ABCA5: variants seen among roughly 807,000 people sequenced by gnomAD.
The protein encoded by ABCA5 is cholesterol transporter ABCA5.
In ABCA5, 163 loss-of-function variants were observed where a neutral mutation model predicts 206.0. That is an observed-to-expected ratio of 0.79 (90% CI 0.70 to 0.90). ABCA5 has a LOEUF of 0.90. ABCA5 is among the 40% of genes least tolerant of loss of function. ABCA5 has a pLI of 0.00. For missense variants in ABCA5, 1,859 were observed against 1,912.9 expected, an observed-to-expected ratio of 0.97 and a Z score of 0.53; for synonymous variants, 609 against 613.8, an observed-to-expected ratio of 0.99 and a Z score of 0.11.
chr17:69,289,918 T>G lies in ABCA5; in HGVS notation c.1726A>C (p.Asn576His), dbSNP rs1222908154. 1.8e-5 allele frequency: 29 copies of G among 1,612,014 alleles called. 2 individuals carry two copies. In the Admixed American group the frequency reaches 4.9e-4, roughly 27 times the overall value. The stretch of plus-strand genomic sequence containing the variant: ...TTGATTGAAGCCAAAATTGATAAAT[T>G]TTCTTCTACTGTCAAAACATCAAAG... ...IHFDVLTVEENLSILASIKGI... is the reference protein window; with the variant it reads ...IHFDVLTVEEHLSILASIKGI... The change falls in exon 13 of 39, where the codon AAT becomes CAT. Residue 576 changes from asparagine (N) to histidine (H), a missense_variant. Asn to His is a moderately conservative substitution (Grantham distance 68). Coordinates refer to ENST00000392676, the MANE Select transcript of ABCA5 (RefSeq NM_172232.4).
chr17:69,283,868 T>A (rs1598176367), intron 18 of ABCA5, 85 bp downstream of exon 18: 2 of 1,339,034 alleles, frequency 1.5e-6, no homozygotes, highest in South Asian at 1.5e-5. Context: ...CTAAAAAAAA[T>A]ATAAAATTAC....
chr17:69,245,567 G>A lies in ABCA5; in HGVS notation c.*1970C>T, dbSNP rs913151898. ...AGTCAGATTTTGTTACTGTGAAAAA[G>A]GGAACATAATTTAATTTAACAACCA... On this transcript the variant is annotated 3_prime_UTR_variant, in exon 39 of 39. Coordinates refer to ENST00000392676, the MANE Select transcript of ABCA5 (RefSeq NM_172232.4). 3 of 151,548 alleles carry A rather than the reference G, an allele frequency of 2.0e-5. No individual in the cohort carries two copies. The highest frequency in any genetic ancestry group is 3.0e-5 in the Non-Finnish European group (2 of 67,742). The allele number at this position is 151,548 out of a possible 1,614,324, so 9.4% of individuals were successfully genotyped here.
chr17:69,308,141 CTT>C, intron 5 of ABCA5, 137 bp downstream of exon 5: 1 of 388,144 alleles, frequency 2.6e-6, no homozygotes, highest in Non-Finnish European at 4.5e-6. Context: ...ACTTTTTTAT[CTT>C]TTTTCTCAAA....
At position 69,247,501 on chromosome 17, in the gene ABCA5, A is replaced by G; in HGVS notation, c.*36T>C. 7.3e-7 allele frequency: 1 copy of G among 1,374,694 alleles called. No individual in the cohort carries two copies. Among genetic ancestry groups the G allele is most frequent in the Non-Finnish European group, 1.0e-6 (1 of 1,002,862 alleles). 85.2% of individuals were successfully genotyped at this position (1,374,694 alleles called of 1,614,324 possible). A position where few individuals can be genotyped will look rare whatever the true frequency, so the allele number is the denominator to read the frequency against. On this transcript the variant is annotated 3_prime_UTR_variant, in exon 39 of 39. Transcript: ENST00000392676. ...CCAAAGTTAAAATTAAGTGAAAAAG[A>G]AAGAAGTCCCAGTAAGCAGACCGAA...
chr17:69,275,491 A>G (rs1298988429), intron 19 of ABCA5, among the ~76,000 whole-genome samples: 1 of 152,224 alleles, frequency 6.6e-6, no homozygotes, highest in Non-Finnish European at 1.5e-5. Context: ...TTTCAAAAGC[A>G]TATGGCATTG....
In ABCA5 at chr17:69,304,683, A is replaced by C; in HGVS notation, c.916T>G (p.Tyr306Asp). 1 of 1,590,824 alleles carries C rather than the reference A, an allele frequency of 6.3e-7. No individual in the cohort carries two copies. The highest frequency in any genetic ancestry group is 8.5e-7 in the Non-Finnish European group (1 of 1,169,620). Residue 306 changes from tyrosine to aspartate, a missense_variant, in exon 7 of 39, where the codon TAT becomes GAT. By Grantham distance (160) the Tyr-to-Asp change is radical. Coordinates refer to ENST00000392676, the MANE Select transcript of ABCA5 (RefSeq NM_172232.4). ...SIVIFLLFFLYGLSSVFFALM... is the reference protein window; with the variant it reads ...SIVIFLLFFLDGLSSVFFALM... ...AAAATACTTACAGATGATAATCCATAAAGGAAAAAAAGCAGAAATATCACA... is the reference window on the plus strand; with the variant it reads ...AAAATACTTACAGATGATAATCCATCAAGGAAAAAAAGCAGAAATATCACA...
In ABCA5 at chr17:69,291,322, C is replaced by G. The variant is rs781530938; in HGVS notation, c.1500G>C (p.Leu500Phe). The G allele has an allele frequency of 1.8e-5, 28 of 1,589,130 alleles. No homozygotes were observed. Among genetic ancestry groups the G allele is most frequent in the Non-Finnish European group, 2.4e-5 (28 of 1,160,340 alleles). The change falls in exon 12 of 39, where the codon TTG becomes TTC. Residue 500 changes from leucine to phenylalanine, a missense_variant. Transcript: ENST00000392676. ...TCTGACCCTCATATATGTCAAATGA[C>G]AAATCTAGTTCAGGAAAAAAGAAGA... ...KGENVEALRN[L>F]SFDIYEGQIT...
At chr17:69,283,474 T>C (rs908740291) in intron 18 of ABCA5, among the ~76,000 whole-genome samples, 1 of 152,160 alleles carries the variant, frequency 6.6e-6, no homozygotes, top group African/African-American at 2.4e-5. Context: ...CACACTACAA[T>C]AGGAAAACAA....
chr17:69,261,273 T>A lies in ABCA5; in HGVS notation c.3430-14A>T, dbSNP rs776279062. On this transcript the variant is annotated splice_polypyrimidine_tract_variant and intron_variant, in intron 25 of 38. Transcript: ENST00000392676. ...AGCCAACGCTGCCTAAAGAAAAAAA[T>A]AAATAAATAAAAGTGACAAAGTGTT... 5.1e-6 allele frequency: 8 copies of A among 1,577,838 alleles called. No individual in the cohort carries two copies. Among genetic ancestry groups the A allele is most frequent in the Non-Finnish European group, 6.9e-6 (8 of 1,165,480 alleles).
At chr17:69,286,819 C>T (rs1386741711) in intron 15 of ABCA5, among the ~76,000 whole-genome samples, 1 of 152,176 alleles carries the variant, frequency 6.6e-6, no homozygotes, top group Non-Finnish European at 1.5e-5. Flanking sequence ...TCAAGAATTT[C>T]AAACTTCTAT....
At position 69,289,179 on chromosome 17, in the gene ABCA5, T is replaced by G. The variant is rs1231825574; in HGVS notation, c.1900A>C (p.Lys634Gln). ...SLGIAVLGNP[K>Q]ILLLDEPTAG... ...CTGTAAAAGTAATATTTATTTACCT[T>G]TGGGTTCCCAAGAACAGCAATTCCT... is the stretch of plus-strand genomic sequence containing the variant. The change falls in exon 14 of 39, where the codon AAG becomes CAG. Residue 634 changes from lysine (K) to glutamine (Q), a missense_variant and splice_region_variant. By Grantham distance (53) the Lys-to-Gln change is moderately conservative. Coordinates refer to ENST00000392676, the MANE Select transcript of ABCA5 (RefSeq NM_172232.4). 20 of 1,597,302 alleles carry G rather than the reference T, an allele frequency of 1.3e-5. No individual in the cohort carries two copies. The highest frequency in any genetic ancestry group is 2.7e-5 in the African/African-American group (2 of 73,752).
intron 11 of ABCA5, among the ~76,000 whole-genome samples, chr17:69,292,502 T>C (rs1369465757): frequency 6.6e-6 from 1 of 152,222 alleles, no homozygotes; most frequent in Non-Finnish European, 1.5e-5. Context: ...CTATTATTTT[T>C]TGTCAATCTA....
rs765162615 is a variant in ABCA5, at chr17:69,264,772, T to C, written c.3278A>G (p.Tyr1093Cys). ...CTTTACAGTATAAAAATATAATCCA[T>C]AATGAAATGCCAATAAGCTTCCTAG... ...LMLGSLLAFH[Y>C]GLYFYTVKFL... The change falls in exon 24 of 39, where the codon TAT becomes TGT. Residue 1093 changes from tyrosine (Y) to cysteine (C), a missense_variant. Transcript: ENST00000392676. The C allele has an allele frequency of 6.3e-7, 1 of 1,587,640 alleles. No individual in the cohort carries two copies. The highest frequency in any genetic ancestry group is 1.8e-5 in the Admixed American group (1 of 55,542).
chr17:69,251,000 TTC>T (rs2144888755), intron 35 of ABCA5: 1 of 154,838 alleles, frequency 6.5e-6, no homozygotes, highest in African/African-American at 2.4e-5. Context: ...TTCTTACTCT[TTC>T]TGTCTTTTTC....
chr17:69,253,762 TAC>T, intron 33 of ABCA5, 30 bp downstream of exon 33: 1 of 1,592,404 alleles, frequency 6.3e-7, no homozygotes, highest in African/African-American at 1.3e-5. Context: ...TCAATAAAAA[TAC>T]AGGCATTATT....
In ABCA5 at chr17:69,304,770, T is replaced by C. The variant is rs779141172; in HGVS notation, c.829A>G (p.Met277Val). The change falls in exon 7 of 39, where the codon ATG becomes GTG. Residue 277 changes from methionine (M) to valine (V), a missense_variant. Met to Val is a conservative substitution (Grantham distance 21). Transcript: ENST00000392676. ...GCAATGACTGCCATAAGAAGGGACA[T>C]AAGAAAAATTAAACTTGTATATAGA... Reference protein sequence around the residue: ...VLLYTSLIFLMSLLMAVIATA... With the variant: ...VLLYTSLIFLVSLLMAVIATA... 5.0e-6 allele frequency: 8 copies of C among 1,607,160 alleles called. No homozygotes were observed. The Admixed American group carries it at 1.2e-4, about 24-fold the overall frequency.
rs1169662086 is a variant in ABCA5, at chr17:69,300,264, A to G, written c.1267+875T>C. Among the ~76,000 whole-genome samples, 4 of 152,302 alleles carry G rather than the reference A, an allele frequency of 2.6e-5. No homozygotes were observed. In the South Asian group the frequency reaches 8.3e-4, roughly 32 times the overall value. ...ACATGCGCGGTTCGCAATAGGGTTC[A>G]TACTCCTATGAGAATTGAATGCTGC... On this transcript the variant is annotated intron_variant, in intron 9 of 38. Coordinates refer to ENST00000392676, the MANE Select transcript of ABCA5 (RefSeq NM_172232.4).
chr17:69,251,478 C>A (rs2075012727), intron 35 of ABCA5: 2 of 360,310 alleles, frequency 5.6e-6, no homozygotes, highest in East Asian at 5.0e-5. Flanking sequence ...ATAATTAATC[C>A]AATATATAAC....
intron 6 of ABCA5, 23 bp downstream of exon 6, chr17:69,306,702 G>A (rs199720716): frequency 8.7e-7 from 1 of 1,148,166 alleles, no homozygotes; most frequent in East Asian, 3.0e-5. Flanking sequence ...ATTATATTAA[G>A]TAATAAATTT....
Sources: gnomAD v4.1 joint callset for allele counts (sites outside exome capture counted in the v4.1 genomes callset) on GRCh38, gnomAD v4.1.1 for gene constraint, MANE v1.5 for transcripts, NCBI Gene and HGNC (gene_info 2026-07-23, HGNC 2026-07-21) for gene names.